The following CSNK1G1 variants were observed in gnomAD, a reference collection of about 807,000 sequenced individuals.
The protein encoded by CSNK1G1 is casein kinase 1 gamma 1.
CSNK1G1 carries 22 observed loss-of-function variants against 59.6 expected under a neutral mutation model. That is an observed-to-expected ratio of 0.37 (90% CI 0.26 to 0.53). CSNK1G1 has a LOEUF of 0.53. Ranked by LOEUF, CSNK1G1 falls within the 20% of genes least tolerant of loss-of-function variation. CSNK1G1 has a pLI of 0.89. For synonymous variants in CSNK1G1, 179 were observed against 177.1 expected (o/e 1.01, Z -0.08); for missense variants, 384 against 519.5 (o/e 0.74, Z 2.54).
intron 1 of CSNK1G1, chr15:64,315,794 A>G (rs899089549): frequency 1.3e-5 from 2 of 152,146 alleles, no homozygotes; most frequent in Non-Finnish European, 2.9e-5. Flanking sequence ...TGATTTTAAC[A>G]TGTCCACAAA....
chr15:64,307,542 T>C (rs1020634809), intron 1 of CSNK1G1, among the ~76,000 whole-genome samples: 1 of 152,146 alleles, frequency 6.6e-6, no homozygotes, highest in Non-Finnish European at 1.5e-5. Context: ...GGCAAAACCC[T>C]GTCTCTATTT....
chr15:64,223,656 T>C (rs370061287), intron 4 of CSNK1G1, among the ~76,000 whole-genome samples: 2 of 152,242 alleles, frequency 1.3e-5, no homozygotes, highest in South Asian at 2.1e-4. Context: ...GATTTCATTA[T>C]ATTTCCTTTA....
chr15:64,328,319 G>A lies in CSNK1G1; in HGVS notation c.-224-27596C>T, dbSNP rs1315323593. 4.8e-3 allele frequency among the ~76,000 whole-genome samples: 682 copies of A among 140,908 alleles called. 4 individuals carry two copies. The highest frequency in any genetic ancestry group is 0.017 in the African/African-American group (636 of 37,024). 92.4% of individuals were successfully genotyped at this position (140,908 alleles called of 152,430 possible). ...AAGGGAAGCCCATCAGACTAACAGC[G>A]GATCTCTCGGCAGAAACCCTACAAG... On this transcript the variant is annotated intron_variant, in intron 1 of 11. Coordinates refer to ENST00000303052, the MANE Select transcript of CSNK1G1 (RefSeq NM_022048.5).
At chr15:64,276,946 C>CAAA (rs1304321213) in intron 2 of CSNK1G1, among the ~76,000 whole-genome samples, 1 of 54,492 alleles carries the variant, frequency 1.8e-5, no homozygotes, top group African/African-American at 7.3e-5. Flanking sequence ...GACTCCATCT[C>CAAA]AAAAAAAAAA....
intron 4 of CSNK1G1, among the ~76,000 whole-genome samples, chr15:64,246,983 C>T (rs560263817): frequency 4.2e-4 from 64 of 152,076 alleles, no homozygotes; most frequent in Non-Finnish European, 6.5e-4. Context: ...ACATATACCA[C>T]GCTGTTGTCA....
At position 64,168,976 on chromosome 15, in the gene CSNK1G1, G is replaced by T. The variant is rs1009301133; in HGVS notation, c.*2955C>A. 1.1e-4 allele frequency: 17 copies of T among 152,598 alleles called. No individual in the cohort carries two copies. Among genetic ancestry groups the T allele is most frequent in the African/African-American group, 4.1e-4 (17 of 41,418 alleles). The allele number at this position is 152,598 out of a possible 1,614,324, so 9.5% of individuals were successfully genotyped here. A position where few individuals can be genotyped will look rare whatever the true frequency, so the allele number is the denominator to read the frequency against. On this transcript the variant is annotated 3_prime_UTR_variant, in exon 12 of 12. Coordinates refer to ENST00000303052, the MANE Select transcript of CSNK1G1 (RefSeq NM_022048.5). ...CCTTGTTATAAAAACCAAATATCTA[G>T]TAAGAGATTTGTGAGGTTGGAAGGT... is the stretch of plus-strand genomic sequence containing the variant.
intron 4 of CSNK1G1, among the ~76,000 whole-genome samples, chr15:64,221,527 T>C (rs1345251451): frequency 3.3e-5 from 5 of 152,082 alleles, no homozygotes; most frequent in Admixed American, 3.3e-4. Context: ...GGCTTTGGGA[T>C]GCTCAAAGCA....
rs2082089813 is a variant in CSNK1G1, at chr15:64,200,185, C to T, written c.1107+2897G>A. On this transcript the variant is annotated intron_variant, in intron 10 of 11. Transcript: ENST00000303052. This position sits in a 1 kb window ranked among gnomAD's most constrained non-coding sequence, Gnocchi z 4.3. The stretch of plus-strand genomic sequence containing the variant: ...GCTTGAACTCAGGAGGCGGAGGTTG[C>T]AGTGAGCCAAGATCATGCTCCAGCC... Among the ~76,000 whole-genome samples the T allele has an allele frequency of 6.6e-6, 1 of 151,550 alleles. No homozygotes were observed. The highest frequency in any genetic ancestry group is 2.4e-5 in the African/African-American group (1 of 41,260).
intron 7 of CSNK1G1, among the ~76,000 whole-genome samples, chr15:64,205,400 A>G (rs2082163543): frequency 6.6e-6 from 1 of 152,230 alleles, no homozygotes; most frequent in Admixed American, 6.5e-5. Flanking sequence ...GACTTTGAAC[A>G]GAAAAAAAAC....
At chr15:64,204,391 G>T in intron 9 of CSNK1G1, 50 bp downstream of exon 9, 1 of 1,450,724 alleles carries the variant, frequency 6.9e-7, no homozygotes, top group Non-Finnish European at 9.3e-7. Context: ...AGTGCTGGTT[G>T]GAGAAAGGAG....
chr15:64,181,874 A>C (rs567427727), intron 10 of CSNK1G1: 1 of 156,768 alleles, frequency 6.4e-6, no homozygotes, highest in Admixed American at 6.1e-5. Flanking sequence ...CCTCTAGCTC[A>C]GGGGTCCTCA....
chr15:64,204,412 TAA>T (rs75931046), intron 9 of CSNK1G1, 27 bp downstream of exon 9: 115,046 of 1,294,930 alleles, frequency 0.089, 227 homozygotes, highest in African/African-American at 0.14. Flanking sequence ...GTAATGAGGT[TAA>T]AAAAAAAAAA....
intron 4 of CSNK1G1, among the ~76,000 whole-genome samples, chr15:64,240,991 A>G (rs1300430773): frequency 6.6e-6 from 1 of 152,162 alleles, no homozygotes; most frequent in African/African-American, 2.4e-5. Context: ...AAAAAGATTA[A>G]CAAAATGAGA....
chr15:64,324,391 G>C (rs1896729952), intron 1 of CSNK1G1, among the ~76,000 whole-genome samples: 1 of 152,202 alleles, frequency 6.6e-6, no homozygotes, highest in Admixed American at 6.5e-5. Flanking sequence ...AAAATGGCTA[G>C]AATAAAGCAG....
chr15:64,298,944 G>A (rs529264974), intron 2 of CSNK1G1, among the ~76,000 whole-genome samples: 1 of 152,152 alleles, frequency 6.6e-6, no homozygotes, highest in African/African-American at 2.4e-5. Flanking sequence ...GGAGGATGAG[G>A]CACAAGAATC....
chr15:64,223,280 C>T (rs1446395554), intron 4 of CSNK1G1, among the ~76,000 whole-genome samples: 2 of 152,146 alleles, frequency 1.3e-5, no homozygotes, highest in African/African-American at 4.8e-5. Flanking sequence ...GCAGAGCCAT[C>T]TCTAATCCAC....
rs2081621227 is a variant in CSNK1G1, at chr15:64,167,970, A to G, written c.*3961T>C. 1 of 152,234 alleles carries G rather than the reference A, an allele frequency of 6.6e-6. No homozygotes were observed. The highest frequency in any genetic ancestry group is 2.1e-4 in the South Asian group (1 of 4,832). The allele number at this position is 152,234 out of a possible 1,614,324, so 9.4% of individuals were successfully genotyped here. On this transcript the variant is annotated 3_prime_UTR_variant, in exon 12 of 12. Transcript: ENST00000303052. ...CATTGTTACATATTTCTGGCATTAA[A>G]AGTGGTTACTAGCACTGAAAATCAA...
chr15:64,245,647 T>A (rs1891709505), intron 4 of CSNK1G1, among the ~76,000 whole-genome samples: 1 of 151,516 alleles, frequency 6.6e-6, no homozygotes, highest in African/African-American at 2.4e-5. Flanking sequence ...AATTCACACC[T>A]GTAAGCCCAG....
At chr15:64,293,454 T>A (rs1400842778) in intron 2 of CSNK1G1, among the ~76,000 whole-genome samples, 1 of 152,200 alleles carries the variant, frequency 6.6e-6, no homozygotes, top group Non-Finnish European at 1.5e-5. Flanking sequence ...TTGTTTAAGA[T>A]TTCTGAAGCA....
Sources: gnomAD v4.1 joint callset for allele counts (sites outside exome capture counted in the v4.1 genomes callset) on GRCh38, gnomAD v4.1.1 for gene constraint, Gnocchi (gnomAD v3.1) non-coding constraint, MANE v1.5 for transcripts, NCBI Gene and HGNC (gene_info 2026-07-23, HGNC 2026-07-21) for gene names.